Variants in GALNT13 observed in about 807,000 individuals in gnomAD.
GALNT13 encodes the protein UDP-GalNAc:polypeptide N-acetylgalactosaminyltransferase 13.
A neutral mutation model predicts 64.2 loss-of-function variants in GALNT13; 28 were observed. That is an observed-to-expected ratio of 0.44 (90% CI 0.32 to 0.60). GALNT13 has a LOEUF of 0.60. GALNT13 is among the 20% of genes least tolerant of loss of function. The pLI is 0.05. For missense variants in GALNT13, 577 were observed against 669.8 expected, an observed-to-expected ratio of 0.86 and a Z score of 1.53; for synonymous variants, 214 against 224.6, an observed-to-expected ratio of 0.95 and a Z score of 0.42.
chr2:154,015,940 A>G (rs1480616647), intron 3 of GALNT13, among the ~76,000 whole-genome samples: 2 of 152,216 alleles, frequency 1.3e-5, no homozygotes, highest in Admixed American at 6.5e-5. Context: ...TGTTTTAGGT[A>G]CAAACTCAGA....
chr2:153,141,354 G>A, the GALNT13 span, among the ~76,000 whole-genome samples: 1 of 151,966 alleles, frequency 6.6e-6, no homozygotes, highest in East Asian at 1.9e-4. Context: ...TGGAACCTCT[G>A]CCCTATGAAT....
chr2:153,562,337 T>A, the GALNT13 span, among the ~76,000 whole-genome samples: 1 of 152,010 alleles, frequency 6.6e-6, no homozygotes, highest in African/African-American at 2.4e-5. Context: ...GCTAGTAACA[T>A]TTTCATTCTT....
intron 3 of GALNT13, among the ~76,000 whole-genome samples, chr2:154,090,204 G>A (rs1701737873): frequency 6.6e-6 from 1 of 151,936 alleles, no homozygotes; most frequent in Non-Finnish European, 1.5e-5. Context: ...TCAAAATATG[G>A]GGATATTTAT....
the GALNT13 span, among the ~76,000 whole-genome samples, chr2:153,137,337 A>T: frequency 1.3e-5 from 2 of 152,070 alleles, no homozygotes; most frequent in African/African-American, 4.8e-5. Context: ...AAAGCGCCCC[A>T]GGAAGGCAAG....
chr2:153,421,809 C>T, the GALNT13 span: 5 of 184,318 alleles, frequency 2.7e-5, no homozygotes, highest in Non-Finnish European at 5.9e-5. Flanking sequence ...ACTGAAGAGG[C>T]GTAGAATCAA....
chr2:154,129,815 G>C (rs1682507156), intron 3 of GALNT13, among the ~76,000 whole-genome samples: 1 of 152,022 alleles, frequency 6.6e-6, no homozygotes, highest in Admixed American at 6.6e-5. Flanking sequence ...TGTTGCGAGA[G>C]GACTGTTAAT....
the GALNT13 span, among the ~76,000 whole-genome samples, chr2:153,826,845 T>G: frequency 6.6e-6 from 1 of 151,800 alleles, no homozygotes; most frequent in East Asian, 2.0e-4. Context: ...TACAGAAGAG[T>G]GCCAGATTTT....
chr2:153,085,830 G>A, the GALNT13 span, among the ~76,000 whole-genome samples: 3 of 152,236 alleles, frequency 2.0e-5, no homozygotes, highest in Non-Finnish European at 4.4e-5. Context: ...CCAGACCCCA[G>A]AATGGTAGAT....
chr2:154,326,014 C>T (rs1694859179), intron 9 of GALNT13, among the ~76,000 whole-genome samples: 1 of 152,090 alleles, frequency 6.6e-6, no homozygotes, highest in African/African-American at 2.4e-5. Flanking sequence ...CCACTGTGCT[C>T]ATCCCCTTGT....
At chr2:153,458,792 G>A in the GALNT13 span, among the ~76,000 whole-genome samples, 1 of 152,064 alleles carries the variant, frequency 6.6e-6, no homozygotes, top group Admixed American at 6.6e-5. Flanking sequence ...AATCAAAAAT[G>A]GTCTTCTTTT....
chr2:153,768,818 A>G, the GALNT13 span, among the ~76,000 whole-genome samples: 6 of 152,210 alleles, frequency 3.9e-5, no homozygotes, highest in African/African-American at 1.4e-4. Context: ...GTGAGCCAAG[A>G]TCGCACCACT....
intron 9 of GALNT13, among the ~76,000 whole-genome samples, chr2:154,319,035 C>G (rs1694479800): frequency 1.3e-5 from 2 of 152,056 alleles, no homozygotes; most frequent in South Asian, 4.1e-4. Context: ...AGAGCTATTT[C>G]TTTTCACCAC....
the GALNT13 span, among the ~76,000 whole-genome samples, chr2:153,143,709 C>T: frequency 6.6e-6 from 1 of 151,984 alleles, no homozygotes; most frequent in Non-Finnish European, 1.5e-5. Context: ...AAGTCTCTTG[C>T]ACAACTTAGA....
the GALNT13 span, among the ~76,000 whole-genome samples, chr2:153,195,042 A>G: frequency 6.6e-6 from 1 of 152,100 alleles, no homozygotes; most frequent in African/African-American, 2.4e-5. Context: ...TTAGATGGGC[A>G]GTTTCTTGGG....
At chr2:153,624,938 AC>A in the GALNT13 span, among the ~76,000 whole-genome samples, 1 of 151,938 alleles carries the variant, frequency 6.6e-6, no homozygotes, top group African/African-American at 2.4e-5. Flanking sequence ...ACAGTACAAT[AC>A]TGGCGTTTTG....
At chr2:153,651,954 C>G in the GALNT13 span, among the ~76,000 whole-genome samples, 49 of 152,238 alleles carry the variant, frequency 3.2e-4, no homozygotes, top group Non-Finnish European at 5.4e-4. Context: ...GTGGATGCTT[C>G]TTAAGTGAAT....
At chr2:153,501,915 C>T in the GALNT13 span, among the ~76,000 whole-genome samples, 1 of 152,090 alleles carries the variant, frequency 6.6e-6, no homozygotes, top group Non-Finnish European at 1.5e-5. Context: ...ACCTTAGCCA[C>T]GCCAAATGGC....
At chr2:154,160,575 A>T (rs763895961) in intron 4 of GALNT13, among the ~76,000 whole-genome samples, 1 of 152,188 alleles carries the variant, frequency 6.6e-6, no homozygotes, top group Non-Finnish European at 1.5e-5. Context: ...ACATTAAAAA[A>T]AACCAAGTCA....
chr2:153,733,842 A>G, the GALNT13 span, among the ~76,000 whole-genome samples: 1 of 152,190 alleles, frequency 6.6e-6, no homozygotes, highest in African/African-American at 2.4e-5. Context: ...ATGAACTCAC[A>G]GCCTTTAGTG....
Sources: allele counts gnomAD v4.1 joint callset (sites outside exome capture counted in the v4.1 genomes callset), GRCh38; gene constraint gnomAD v4.1.1; transcripts MANE v1.5; gene names NCBI Gene and HGNC (gene_info 2026-07-23, HGNC 2026-07-21).